PLAAT5: variants seen among roughly 807,000 people sequenced by gnomAD.
The protein encoded by PLAAT5 is phospholipase A and acyltransferase 5.
A neutral mutation model predicts 27.8 loss-of-function variants in PLAAT5; 27 were observed. The ratio of observed to expected loss-of-function variants is 0.97; its 90% CI spans 0.72 to 1.34. PLAAT5 has a LOEUF of 1.34. Ranked by LOEUF, PLAAT5 falls within the 40% of genes most tolerant of loss-of-function variation. PLAAT5 has a pLI of 0.00. For synonymous variants in PLAAT5, 125 were observed against 136.1 expected (o/e 0.92, Z 0.57); for missense variants, 368 against 343.8 (o/e 1.07, Z -0.56).
At chr11:63,472,033 G>A (rs1417368934) in intron 3 of PLAAT5, among the ~76,000 whole-genome samples, 1 of 152,110 alleles carries the variant, frequency 6.6e-6, no homozygotes, top group East Asian at 1.9e-4. Context: ...CACACACTGG[G>A]GCCTGTCAGG....
At chr11:63,490,826 C>T (rs116362768) in intron 1 of PLAAT5, 61 bp downstream of exon 1, 1 of 1,478,870 alleles carries the variant, frequency 6.8e-7, no homozygotes, top group Non-Finnish European at 9.1e-7. Context: ...TGAGGGTAAC[C>T]GCCCGCTGGG....
intron 3 of PLAAT5, among the ~76,000 whole-genome samples, chr11:63,471,834 A>G (rs73488062): frequency 0.012 from 1,798 of 152,322 alleles, 36 homozygotes; most frequent in African/African-American, 0.041. Context: ...TAGGCTGGAT[A>G]AAGAAAATGT....
chr11:63,488,644 T>C (rs1222586358), intron 3 of PLAAT5, among the ~76,000 whole-genome samples: 1 of 151,608 alleles, frequency 6.6e-6, no homozygotes, highest in African/African-American at 2.4e-5. Context: ...ATTTGTAAAC[T>C]TTATTAAAAC....
At chr11:63,466,429 C>T in intron 4 of PLAAT5, 57 bp from the exon 5 acceptor site, 1 of 1,549,496 alleles carries the variant, frequency 6.5e-7, no homozygotes, top group South Asian at 1.2e-5. Context: ...AAGCAGAGCA[C>T]AGTCTAAGAC....
chr11:63,470,439 T>C (rs1263943533), intron 3 of PLAAT5: 2 of 158,978 alleles, frequency 1.3e-5, no homozygotes, highest in African/African-American at 4.8e-5. Context: ...TGATTGAATA[T>C]GGCAAAGCAT....
rs190642613 is a variant in PLAAT5, at chr11:63,487,917, G to A, written c.345+954C>T. 2.6e-4 allele frequency among the ~76,000 whole-genome samples: 40 copies of A among 152,344 alleles called. No homozygotes were observed. In the East Asian group the frequency reaches 2.7e-3, roughly 10 times the overall value. On this transcript the variant is annotated intron_variant, in intron 3 of 5. Transcript: ENST00000540857. ...TCCCAACACTTTGGGAAGCCGAGGC[G>A]GGAGGATCATGAGGTCGGGAGATCG...
chr11:63,481,560 C>T (rs1375702805), intron 3 of PLAAT5, among the ~76,000 whole-genome samples: 1 of 152,236 alleles, frequency 6.6e-6, no homozygotes, highest in Non-Finnish European at 1.5e-5. Flanking sequence ...TGGCCCTTCT[C>T]CCGGAAACAG....
At chr11:63,469,323 G>C in intron 3 of PLAAT5, 1 of 236,262 alleles carries the variant, frequency 4.2e-6, no homozygotes, top group South Asian at 7.5e-5. Flanking sequence ...TGACCTGCAG[G>C]TCTTTGGAAA....
intron 5 of PLAAT5, among the ~76,000 whole-genome samples, chr11:63,464,356 C>T (rs955345121): frequency 6.6e-6 from 1 of 152,126 alleles, no homozygotes; most frequent in Non-Finnish European, 1.5e-5. Context: ...TTTTTTCCAT[C>T]TCTTTAAAGG....
At chr11:63,468,502 C>G in intron 3 of PLAAT5, 37 bp from the exon 4 acceptor site, 1 of 1,470,096 alleles carries the variant, frequency 6.8e-7, no homozygotes, top group Non-Finnish European at 9.5e-7. Context: ...GGCACATGCT[C>G]AAGGAACTCC....
intron 3 of PLAAT5, among the ~76,000 whole-genome samples, chr11:63,486,092 C>G (rs2016426800): frequency 6.6e-6 from 1 of 152,070 alleles, no homozygotes; most frequent in African/African-American, 2.4e-5. Context: ...TACCACCTTA[C>G]TCCTCCAAAA....
rs778440202 is a variant in PLAAT5, at chr11:63,468,361, G to A, written c.450C>T (p.Pro150=). 1.2e-5 allele frequency: 20 copies of A among 1,609,342 alleles called. No individual in the cohort carries two copies. Among genetic ancestry groups the A allele is most frequent in the Non-Finnish European group, 1.6e-5 (19 of 1,175,806 alleles). ...CAATAGACTATTCACTCTTACTTGGGGGAGCCAGATGGACCACGCAATCAT... is the reference window on the plus strand; with the variant it reads ...CAATAGACTATTCACTCTTACTTGGAGGAGCCAGATGGACCACGCAATCAT... The part of the protein sequence containing the change: ...VEDDCVVHLA[P]PSEEFEVGSI... Residue 150 remains proline (P), a synonymous_variant, in exon 4 of 6, where the codon CCC becomes CCT. Coordinates refer to ENST00000540857, the MANE Select transcript of PLAAT5 (RefSeq NM_001146729.2).
chr11:63,489,055 AT>A (rs2016502929), intron 2 of PLAAT5, 79 bp from the exon 3 acceptor site: 2 of 1,019,392 alleles, frequency 2.0e-6, no homozygotes, highest in Non-Finnish European at 3.0e-6. Flanking sequence ...CAGATTTGTG[AT>A]TTTTAAGATG....
In PLAAT5 at chr11:63,466,204, T is replaced by A. The variant is rs750400228; in HGVS notation, c.623A>T (p.Lys208Met). ...PVDKIIQRTK[K>M]MVNKIVQYSL... ...GTACTGCACGATCTTGTTGACCATC[T>A]TTTTTGTACGCTGGATGATCTTGTC... Residue 208 changes from lysine (K) to methionine (M), a missense_variant, in exon 5 of 6, where the codon AAG (lysine) becomes ATG (methionine). Transcript: ENST00000540857. 9 of 1,614,006 alleles carry A rather than the reference T, an allele frequency of 5.6e-6. No individual in the cohort carries two copies. In the East Asian group the frequency reaches 2.0e-4, roughly 36 times the overall value.
In PLAAT5 at chr11:63,462,145, A is replaced by T. The variant is rs17158357; in HGVS notation, c.*1358T>A. Reference sequence around the variant, plus strand: ...GCATTCACTAAAACATGGCTGGGTTAGTTTGCAGCTAAAAGGAATAAATAT... The same window carrying T: ...GCATTCACTAAAACATGGCTGGGTTTGTTTGCAGCTAAAAGGAATAAATAT... On this transcript the variant is annotated 3_prime_UTR_variant, in exon 6 of 6. Coordinates refer to ENST00000540857, the MANE Select transcript of PLAAT5 (RefSeq NM_001146729.2). 6.6e-6 allele frequency: 1 copy of T among 152,206 alleles called. No individual in the cohort carries two copies. Among genetic ancestry groups the T allele is most frequent in the Non-Finnish European group, 1.5e-5 (1 of 68,040 alleles). 9.4% of individuals were successfully genotyped at this position (152,206 alleles called of 1,614,324 possible).
chr11:63,475,309 T>C (rs929388294), intron 3 of PLAAT5, among the ~76,000 whole-genome samples: 1 of 152,244 alleles, frequency 6.6e-6, no homozygotes, highest in Non-Finnish European at 1.5e-5. Context: ...AGTTTTTGCT[T>C]CATACTTTTT....
chr11:63,468,470 A>G lies in PLAAT5; in HGVS notation c.346-5T>C, dbSNP rs2015925045. On this transcript the variant is annotated splice_region_variant and splice_polypyrimidine_tract_variant and intron_variant, in intron 3 of 5. Coordinates refer to ENST00000540857, the MANE Select transcript of PLAAT5 (RefSeq NM_001146729.2). ...AGGTCTGGGTCTTGGTTTTCCCTATAATGGAAAAATAAAAGATAAATGGCA... is the reference window on the plus strand; with the variant it reads ...AGGTCTGGGTCTTGGTTTTCCCTATGATGGAAAAATAAAAGATAAATGGCA... 1 of 1,607,206 alleles carries G rather than the reference A, an allele frequency of 6.2e-7. No individual in the cohort carries two copies. Among genetic ancestry groups the G allele is most frequent in the South Asian group, 1.1e-5 (1 of 90,796 alleles).
At chr11:63,473,294 C>T (rs949546265) in intron 3 of PLAAT5, among the ~76,000 whole-genome samples, 2 of 152,098 alleles carry the variant, frequency 1.3e-5, no homozygotes, top group Non-Finnish European at 2.9e-5. Flanking sequence ...GCTTTGTTAG[C>T]ATTTTTTAGC....
At chr11:63,487,649 G>A (rs915011213) in intron 3 of PLAAT5, among the ~76,000 whole-genome samples, 1 of 152,092 alleles carries the variant, frequency 6.6e-6, no homozygotes, top group Non-Finnish European at 1.5e-5. Flanking sequence ...ATTCACCCAA[G>A]AGGAAAAAAT....
Sources: allele counts gnomAD v4.1 joint callset (sites outside exome capture counted in the v4.1 genomes callset), GRCh38; gene constraint gnomAD v4.1.1; transcripts MANE v1.5; gene names NCBI Gene and HGNC (gene_info 2026-07-23, HGNC 2026-07-21).